Variants in MTHFD1 observed in about 807,000 individuals in gnomAD.
MTHFD1 encodes methylenetetrahydrofolate dehydrogenase, cyclohydrolase and formyltetrahydrofolate synthetase 1, also known as C-1-tetrahydrofolate synthase, cytoplasmic.
In MTHFD1, 44 loss-of-function variants were observed where a neutral mutation model predicts 110.3. The ratio of observed to expected loss-of-function variants is 0.40; its 90% CI spans 0.31 to 0.51. The LOEUF (loss-of-function observed/expected upper bound fraction) is 0.51. Ranked by LOEUF, MTHFD1 falls within the 20% of genes least tolerant of loss-of-function variation. The pLI, the probability that MTHFD1 is intolerant of heterozygous loss-of-function variation, is 0.60. For missense variants in MTHFD1, 909 were observed against 1,173.1 expected (o/e 0.77, Z 3.29); for synonymous variants, 402 against 428.8 (o/e 0.94, Z 0.77).
intron 2 of MTHFD1, among the ~76,000 whole-genome samples, chr14:64,406,425 G>A (rs980781128): frequency 2.6e-5 from 4 of 151,500 alleles, no homozygotes; most frequent in Non-Finnish European, 5.9e-5. Context: ...GCCAGGTGTG[G>A]AATTTTCTAC....
At chr14:64,444,303 A>G (rs1020528727) in intron 21 of MTHFD1, among the ~76,000 whole-genome samples, 3 of 151,868 alleles carry the variant, frequency 2.0e-5, no homozygotes, top group East Asian at 3.9e-4. Context: ...CACGGGCTCT[A>G]TCGACAGACA....
At chr14:64,432,894 A>G (rs907573709) in intron 15 of MTHFD1, among the ~76,000 whole-genome samples, 1 of 152,016 alleles carries the variant, frequency 6.6e-6, no homozygotes, top group African/African-American at 2.4e-5. Context: ...ACCTGGGACT[A>G]TAGGTACACA....
chr14:64,391,118 T>G (rs1358729398), intron 1 of MTHFD1, among the ~76,000 whole-genome samples: 1 of 152,234 alleles, frequency 6.6e-6, no homozygotes, highest in Non-Finnish European at 1.5e-5. Context: ...CAGCACTTAC[T>G]ACTTGCTAAA....
intron 24 of MTHFD1, among the ~76,000 whole-genome samples, chr14:64,450,620 C>T (rs968302828): frequency 2.0e-5 from 3 of 152,200 alleles, no homozygotes; most frequent in South Asian, 2.1e-4. Flanking sequence ...AGTATGGAAA[C>T]AACAACTGGA....
chr14:64,415,594 A>G, intron 5 of MTHFD1, 45 bp from the exon 6 acceptor site: 1 of 1,612,744 alleles, frequency 6.2e-7, no homozygotes, highest in Non-Finnish European at 8.5e-7. Context: ...GAGTAAAGAC[A>G]TCTAATTGCC....
intron 12 of MTHFD1, among the ~76,000 whole-genome samples, chr14:64,428,453 G>A (rs371574516): frequency 2.0e-5 from 3 of 150,602 alleles, no homozygotes; most frequent in East Asian, 4.0e-4. Flanking sequence ...AATTATGATA[G>A]GTTCTTAGAG....
At chr14:64,442,539 G>GCCA in intron 21 of MTHFD1, 137 bp downstream of exon 21, 2 of 921,192 alleles carry the variant, frequency 2.2e-6, no homozygotes, top group Non-Finnish European at 3.3e-6. Context: ...GGGACGGGCA[G>GCCA]ACAGCCCTTG....
intron 24 of MTHFD1, among the ~76,000 whole-genome samples, chr14:64,452,102 C>T (rs955469267): frequency 5.3e-5 from 8 of 152,138 alleles, no homozygotes; most frequent in African/African-American, 1.7e-4. Flanking sequence ...TCGAGACCAG[C>T]CTGACCAAGA....
chr14:64,403,369 G>A (rs2077913841), intron 2 of MTHFD1, among the ~76,000 whole-genome samples: 1 of 151,788 alleles, frequency 6.6e-6, no homozygotes, highest in Admixed American at 6.6e-5. Flanking sequence ...TTGCCTCCTG[G>A]GTTCAAGTGA....
intron 1 of MTHFD1, among the ~76,000 whole-genome samples, chr14:64,392,275 G>A (rs753148730): frequency 1.3e-5 from 2 of 152,180 alleles, no homozygotes; most frequent in Non-Finnish European, 2.9e-5. Flanking sequence ...ACCTGACCCT[G>A]CCCTGGGCAG....
At position 64,444,674 on chromosome 14, in the gene MTHFD1, C is replaced by T. The variant is rs371670719; in HGVS notation, c.2137-19C>T. On this transcript the variant is annotated intron_variant, in intron 21 of 27. Transcript: ENST00000652337. ...ATTTAAATAGGAAATGCCTCTGACT[C>T]TGTTTCTTTTCCTTCCAGGTCACTG... 1 of 1,613,962 alleles carries T rather than the reference C, an allele frequency of 6.2e-7. No individual in the cohort carries two copies. The highest frequency in any genetic ancestry group is 1.3e-5 in the African/African-American group (1 of 74,930).
chr14:64,443,669 C>T (rs948173068), intron 21 of MTHFD1, among the ~76,000 whole-genome samples: 2 of 152,236 alleles, frequency 1.3e-5, no homozygotes, highest in Admixed American at 6.5e-5. Flanking sequence ...ACCCAGCACA[C>T]TCCTTTCTGC....
intron 2 of MTHFD1, among the ~76,000 whole-genome samples, chr14:64,409,546 C>T (rs544590407): frequency 9.2e-5 from 14 of 152,044 alleles, no homozygotes; most frequent in East Asian, 3.9e-4. Flanking sequence ...CTAAAAATTC[C>T]GGAATGTATC....
intron 1 of MTHFD1, 121 bp from the exon 2 acceptor site, chr14:64,400,672 G>C: frequency 1.4e-6 from 1 of 727,702 alleles, no homozygotes; most frequent in South Asian, 1.5e-5. Flanking sequence ...CTGGGTGACA[G>C]AGCGAGACCC....
In MTHFD1 at chr14:64,435,658, A is replaced by T; in HGVS notation, c.1584A>T (p.Ile528=). The change falls in exon 16 of 28, where the codon ATA becomes ATT. Residue 528 remains isoleucine (I), a synonymous_variant. Transcript: ENST00000652337. ...FARLDIDPET[I]TWQRVLDTND... is the part of the protein sequence containing the mutation. Reference sequence around the variant, plus strand: ...GATTGGACATTGATCCAGAAACCATAACTTGGCAAAGAGGTACCAGAGCAG... The same window carrying T: ...GATTGGACATTGATCCAGAAACCATTACTTGGCAAAGAGGTACCAGAGCAG... The T allele has an allele frequency of 6.2e-7, 1 of 1,606,280 alleles. No individual in the cohort carries two copies. The highest frequency in any genetic ancestry group is 8.5e-7 in the Non-Finnish European group (1 of 1,172,858).
chr14:64,397,528 C>T (rs939217594), intron 1 of MTHFD1, among the ~76,000 whole-genome samples: 6 of 152,014 alleles, frequency 3.9e-5, no homozygotes, highest in Non-Finnish European at 7.4e-5. Context: ...CTCCTGACCT[C>T]GTGATCTGCC....
chr14:64,415,593 C>A (rs765289796), intron 5 of MTHFD1, 46 bp from the exon 6 acceptor site: 1 of 1,612,354 alleles, frequency 6.2e-7, no homozygotes, highest in South Asian at 1.1e-5. Context: ...AGAGTAAAGA[C>A]ATCTAATTGC....
chr14:64,401,438 T>C (rs1341394629), intron 2 of MTHFD1, among the ~76,000 whole-genome samples: 1 of 152,206 alleles, frequency 6.6e-6, no homozygotes, highest in African/African-American at 2.4e-5. Context: ...ACACGGTGGC[T>C]CCTGCCTGTA....
At chr14:64,423,315 T>A (rs2140961981) in intron 8 of MTHFD1, among the ~76,000 whole-genome samples, 1 of 152,298 alleles carries the variant, frequency 6.6e-6, no homozygotes, top group Non-Finnish European at 1.5e-5. Flanking sequence ...ACACATTTTC[T>A]CATTTTGCCC....
Sources: allele counts gnomAD v4.1 joint callset (sites outside exome capture counted in the v4.1 genomes callset), GRCh38; gene constraint gnomAD v4.1.1; transcripts MANE v1.5; gene names NCBI Gene and HGNC (gene_info 2026-07-23, HGNC 2026-07-21).